The following ADH1A variants were observed in gnomAD, a reference collection of about 807,000 sequenced individuals.
ADH1A encodes the protein alcohol dehydrogenase 1A (class I), alpha polypeptide.
Under a neutral mutation model 35.2 loss-of-function variants are expected in ADH1A, and 29 were observed. The ratio of observed to expected loss-of-function variants is 0.82; its 90% CI spans 0.61 to 1.12. ADH1A has a LOEUF of 1.12. Ranked by LOEUF, ADH1A falls within the 50% of genes most tolerant of loss-of-function variation. The probability of loss-of-function intolerance (pLI) is 0.00; values close to 1 mark genes in which losing one functional copy is unlikely to be tolerated. For missense variants in ADH1A, 469 were observed against 464.7 expected, an observed-to-expected ratio of 1.01 and a Z score of -0.09; for synonymous variants, 147 against 164.8, an observed-to-expected ratio of 0.89 and a Z score of 0.83.
chr4:99,277,933 AT>A (rs1409323143), intron 8 of ADH1A, among the ~76,000 whole-genome samples: 6 of 151,940 alleles, frequency 3.9e-5, no homozygotes, highest in East Asian at 1.9e-4. Flanking sequence ...CAAAAGATCC[AT>A]TTTTTTTAAG....
intron 6 of ADH1A, chr4:99,282,032 T>C (rs1579490374): frequency 2.6e-6 from 1 of 382,994 alleles, no homozygotes; most frequent in East Asian, 4.6e-5. Flanking sequence ...GAACAGAACT[T>C]GTATTATTTA....
Position 99,282,607 on chromosome 4 carries a change from C to T in ADH1A, c.568-1G>A, listed in dbSNP as rs772906732. The T allele has an allele frequency of 3.7e-6, 6 of 1,607,788 alleles. No individual in the cohort carries two copies. The highest frequency in any genetic ancestry group is 1.7e-5 in the Admixed American group (1 of 58,540). ...CAGCACAGGTAGAGCCTGGGGTGAC[C>T]TGTGTTTTCAGAAAATGCAAAAATG... is the stretch of plus-strand genomic sequence containing the variant. On this transcript the variant is annotated splice_acceptor_variant, in intron 5 of 8. Coordinates refer to ENST00000209668, the MANE Select transcript of ADH1A (RefSeq NM_000667.4). LOFTEE classifies it high-confidence loss of function.
At chr4:99,277,934 T>C (rs902584366) in intron 8 of ADH1A, among the ~76,000 whole-genome samples, 3 of 151,808 alleles carry the variant, frequency 2.0e-5, no homozygotes, top group East Asian at 3.9e-4. Context: ...AAAAGATCCA[T>C]TTTTTTTAAG....
intron 2 of ADH1A, 125 bp from the exon 3 acceptor site, chr4:99,287,113 C>A (rs1733171778): frequency 8.3e-7 from 1 of 1,206,794 alleles, no homozygotes; most frequent in Non-Finnish European, 1.2e-6. Flanking sequence ...CCTACTATCC[C>A]AAGTATGAAA....
intron 3 of ADH1A, among the ~76,000 whole-genome samples, chr4:99,285,599 T>C (rs939302251): frequency 1.1e-4 from 17 of 152,294 alleles, no homozygotes; most frequent in African/African-American, 4.1e-4. Context: ...AGTAGTTTAG[T>C]AGTTATTAGT....
At chr4:99,286,754 C>A in intron 3 of ADH1A, 96 bp downstream of exon 3, 1 of 1,556,298 alleles carries the variant, frequency 6.4e-7, no homozygotes, top group South Asian at 1.2e-5. Context: ...TGACCTTGGT[C>A]AAGCCCTTTC....
chr4:99,284,337 C>T, intron 5 of ADH1A, 62 bp downstream of exon 5: 2 of 1,529,312 alleles, frequency 1.3e-6, no homozygotes. Context: ...TGAGACATTC[C>T]TTCCCTTTGG....
Position 99,276,413 on chromosome 4 carries a change from T to G in ADH1A, c.*211A>C. The G allele has an allele frequency of 1.7e-6, 1 of 591,356 alleles. No individual in the cohort carries two copies. Among genetic ancestry groups the G allele is most frequent in the South Asian group, 2.1e-5 (1 of 46,634 alleles). The allele number at this position is 591,356 out of a possible 1,614,324, so 36.6% of individuals were successfully genotyped here. On this transcript the variant is annotated 3_prime_UTR_variant, in exon 9 of 9. Coordinates refer to ENST00000209668, the MANE Select transcript of ADH1A (RefSeq NM_000667.4). ...ATTGGCTTCAATTCCCCAGCTGATG[T>G]TCAACACTTTATTTAGTTCTCATTT... is the stretch of plus-strand genomic sequence containing the variant.
chr4:99,286,709 G>A, intron 3 of ADH1A, 141 bp downstream of exon 3: 2 of 1,399,432 alleles, frequency 1.4e-6, no homozygotes, highest in Admixed American at 2.2e-5. Flanking sequence ...AGGAAGAGAG[G>A]GAAAGAGGAA....
At chr4:99,283,341 G>T (rs537017106) in intron 5 of ADH1A, among the ~76,000 whole-genome samples, 16 of 152,310 alleles carry the variant, frequency 1.1e-4, no homozygotes, top group South Asian at 2.1e-4. Context: ...ATTTGGAAAA[G>T]ATGCCATCTA....
At chr4:99,277,519 C>T (rs1400397770) in intron 8 of ADH1A, among the ~76,000 whole-genome samples, 2 of 151,876 alleles carry the variant, frequency 1.3e-5, no homozygotes, top group Non-Finnish European at 2.9e-5. Flanking sequence ...TCAGAGAATA[C>T]AAGACAGCAG....
At position 99,282,700 on chromosome 4, in the gene ADH1A, A is replaced by T. The variant is rs1050421219; in HGVS notation, c.568-94T>A. ...AAAGCTGCTCAAACTCTTCTGTTCA[A>T]TCTGTTATCAAAACCTCTTTTGGCT... On this transcript the variant is annotated intron_variant, in intron 5 of 8. Coordinates refer to ENST00000209668, the MANE Select transcript of ADH1A (RefSeq NM_000667.4). The T allele has an allele frequency of 2.0e-6, 3 of 1,521,400 alleles. No individual in the cohort carries two copies. The African/African-American group carries it at 4.2e-5, about 21-fold the overall frequency. The allele number at this position is 1,521,400 out of a possible 1,614,324, so 94.2% of individuals were successfully genotyped here.
At chr4:99,286,336 G>C (rs544159481) in intron 3 of ADH1A, among the ~76,000 whole-genome samples, 1 of 152,242 alleles carries the variant, frequency 6.6e-6, no homozygotes, top group Admixed American at 6.5e-5. Flanking sequence ...CAGGAAGAGA[G>C]ACCACGTTGC....
Position 99,276,372 on chromosome 4 carries a change from T to C in ADH1A, c.*252A>G, listed in dbSNP as rs1732868580. The C allele has an allele frequency of 1.5e-5, 8 of 529,300 alleles. No homozygotes were observed. The highest frequency in any genetic ancestry group is 2.7e-5 in the Non-Finnish European group (8 of 298,876). The allele number at this position is 529,300 out of a possible 1,614,324, so 32.8% of individuals were successfully genotyped here. A position where few individuals can be genotyped will look rare whatever the true frequency, so the allele number is the denominator to read the frequency against. On this transcript the variant is annotated 3_prime_UTR_variant, in exon 9 of 9. Transcript: ENST00000209668. ...GGCAAAGATGACACAAGTAGAATGG[T>C]TAAGAAGGAAGGTTTATTGGCTTCA... is the stretch of plus-strand genomic sequence containing the variant.
At chr4:99,280,874 C>A (rs1415192597) in intron 6 of ADH1A, among the ~76,000 whole-genome samples, 2 of 152,136 alleles carry the variant, frequency 1.3e-5, no homozygotes, top group African/African-American at 2.4e-5. Context: ...TATTAGGGAA[C>A]CTCAAAAGAC....
intron 8 of ADH1A, 74 bp downstream of exon 8, chr4:99,279,352 C>A (rs3819197): frequency 6.6e-7 from 1 of 1,507,446 alleles, no homozygotes; most frequent in South Asian, 1.4e-5. Flanking sequence ...CATCCTTCCA[C>A]CTTTTCATTT....
intron 5 of ADH1A, among the ~76,000 whole-genome samples, 153 bp downstream of exon 5, chr4:99,284,246 C>G (rs1733082032): frequency 6.6e-6 from 1 of 152,194 alleles, no homozygotes; most frequent in African/African-American, 2.4e-5. Context: ...AAACTTCTAG[C>G]ATGTGCTCTC....
At chr4:99,289,821 T>C (rs1733246571) in intron 1 of ADH1A, among the ~76,000 whole-genome samples, 1 of 152,200 alleles carries the variant, frequency 6.6e-6, no homozygotes, top group Non-Finnish European at 1.5e-5. Flanking sequence ...GTTTGGTAAA[T>C]TTAATTTTTT....
In ADH1A at chr4:99,276,568, A is replaced by G; in HGVS notation, c.*56T>C. 1 of 1,487,498 alleles carries G rather than the reference A, an allele frequency of 6.7e-7. No homozygotes were observed. The highest frequency in any genetic ancestry group is 1.1e-5 in the South Asian group (1 of 88,058). The allele number at this position is 1,487,498 out of a possible 1,614,324, so 92.1% of individuals were successfully genotyped here. A position where few individuals can be genotyped will look rare whatever the true frequency, so the allele number is the denominator to read the frequency against. The stretch of plus-strand genomic sequence containing the variant: ...TGATATTTCCCAGCTGTTGCTCCAG[A>G]TCATGTAGGGTAGAGGAGGCTGAAG... On this transcript the variant is annotated 3_prime_UTR_variant, in exon 9 of 9. Transcript: ENST00000209668.
Sources: gnomAD v4.1 joint callset for allele counts (sites outside exome capture counted in the v4.1 genomes callset) on GRCh38, gnomAD v4.1.1 for gene constraint, MANE v1.5 for transcripts, NCBI Gene and HGNC (gene_info 2026-07-23, HGNC 2026-07-21) for gene names.